IDH3A: variants seen among roughly 807,000 people sequenced by gnomAD.
The protein encoded by IDH3A is isocitrate dehydrogenase [NAD] subunit alpha, mitochondrial.
A neutral mutation model predicts 43.3 loss-of-function variants in IDH3A; 23 were observed. The ratio of observed to expected loss-of-function variants is 0.53; its 90% CI spans 0.38 to 0.75. The LOEUF is 0.75. IDH3A is among the 30% of genes least tolerant of loss of function. The pLI, the probability that IDH3A is intolerant of heterozygous loss-of-function variation, is 0.00. For synonymous variants in IDH3A, 154 were observed against 163.5 expected (o/e 0.94, Z 0.44); for missense variants, 329 against 474.4 (o/e 0.69, Z 2.85).
rs145558670 is a variant in IDH3A at position 78,152,435 on chromosome 15, A to G, written c.28-2778A>G. Among the ~76,000 whole-genome samples the G allele has an allele frequency of 7.7e-3, 1,068 of 137,882 alleles. 19 individuals are homozygous for G. The highest frequency in any genetic ancestry group is 0.027 in the African/African-American group (961 of 35,936). 90.5% of individuals were successfully genotyped at this position (137,882 alleles called of 152,430 possible). ...GAGTGCAATGGCGCGATCTTGGCTC[A>G]CCGCAACCTCTGCCTCCTGGGTTCA... On this transcript the variant is annotated intron_variant, in intron 1 of 10. Transcript: ENST00000299518.
At position 78,165,045 on chromosome 15, in the gene IDH3A, T is replaced by C. The variant is rs2074723832; in HGVS notation, c.833T>C (p.Ile278Thr). The change falls in exon 9 of 11, where the codon ATT (isoleucine) becomes ACT (threonine). Residue 278 changes from isoleucine (I) to threonine (T), a missense_variant. By Grantham distance (89) the Ile-to-Thr change is moderately conservative (BLOSUM62 -1). This residue lies in a region of IDH3A where 212 missense variants were observed against 345.5 expected (regional missense o/e 0.61). Transcript: ENST00000299518. ...CTCGGTGTGACACCAAGTGGCAACA[T>C]TGGAGCCAATGGGGTTGCAATTTTT... ...GGLGVTPSGN[I>T]GANGVAIFES... 6.2e-6 allele frequency: 10 copies of C among 1,613,936 alleles called. No homozygotes were observed. The highest frequency in any genetic ancestry group is 8.5e-6 in the Non-Finnish European group (10 of 1,179,838).
rs144055709 is a variant in IDH3A, at chr15:78,159,445, T to G, written c.175-647T>G. The stretch of plus-strand genomic sequence containing the variant: ...TTGGCTTCTTTCACTTAGCATGATG[T>G]TTTTAAGTTTCATCCATGTATCAGT... On this transcript the variant is annotated intron_variant, in intron 3 of 10. Transcript: ENST00000299518. Among the ~76,000 whole-genome samples, 31 of 152,316 alleles carry G rather than the reference T, an allele frequency of 2.0e-4. 1 individual carries two copies. In the East Asian group the frequency reaches 6.0e-3, roughly 29 times the overall value.
Position 78,160,156 on chromosome 15 carries a change from T to C in IDH3A, c.239T>C (p.Ile80Thr). The C allele has an allele frequency of 6.2e-7, 1 of 1,613,654 alleles. No homozygotes were observed. Among genetic ancestry groups the C allele is most frequent in the Non-Finnish European group, 8.5e-7 (1 of 1,179,586 alleles). Reference sequence around the variant, plus strand: ...CAAGGACCTGGAGGAAAGTGGATGATCCCTTCAGAGGCTAAAGAGTCCATG... The same window carrying C: ...CAAGGACCTGGAGGAAAGTGGATGACCCCTTCAGAGGCTAAAGAGTCCATG... ...AIQGPGGKWM[I>T]PSEAKESMDK... Residue 80 changes from isoleucine (I) to threonine (T), a missense_variant, in exon 4 of 11, where the codon ATC becomes ACC. Physicochemically the swap from Ile to Thr is moderately conservative, Grantham distance 89. Coordinates refer to ENST00000299518, the MANE Select transcript of IDH3A (RefSeq NM_005530.3).
intron 1 of IDH3A, among the ~76,000 whole-genome samples, chr15:78,150,191 G>A (rs1361765969): frequency 6.6e-6 from 1 of 152,200 alleles, no homozygotes; most frequent in African/African-American, 2.4e-5. Context: ...AGCTGGAAAG[G>A]GTTTCAGATC....
At chr15:78,165,129 C>A (rs2074724908) in intron 9 of IDH3A, 53 bp downstream of exon 9, 1 of 1,063,912 alleles carries the variant, frequency 9.4e-7, no homozygotes, top group Non-Finnish European at 1.5e-6. Context: ...CGTGTGAACT[C>A]AGGAGGAGTT....
At chr15:78,168,682 T>C in intron 10 of IDH3A, 1 of 324,312 alleles carries the variant, frequency 3.1e-6, no homozygotes. Context: ...CCTGCCTCCC[T>C]TTGCATCAAG....
At position 78,166,141 on chromosome 15, in the gene IDH3A, G is replaced by A. The variant is rs370769870; in HGVS notation, c.865-9G>A. On this transcript the variant is annotated splice_polypyrimidine_tract_variant and intron_variant, in intron 9 of 10. Transcript: ENST00000299518. The stretch of plus-strand genomic sequence containing the variant: ...CTCCCTTGATGATGCTACTTTTCCC[G>A]ATGTGTAGGTTCATGGGACGGCTCC... The A allele has an allele frequency of 1.1e-5, 17 of 1,612,268 alleles. No homozygotes were observed. Among genetic ancestry groups the A allele is most frequent in the East Asian group, 4.5e-5 (2 of 44,844 alleles).
intron 3 of IDH3A, among the ~76,000 whole-genome samples, chr15:78,158,989 C>G (rs940017079): frequency 1.3e-5 from 2 of 151,948 alleles, no homozygotes; most frequent in African/African-American, 4.8e-5. Context: ...CCTGCCACCA[C>G]GCCCAGCTGA....
In IDH3A at chr15:78,161,740, AAGG is replaced by A; in HGVS notation, c.452_454del (p.Gly151del). 1 of 1,614,152 alleles carries A rather than the reference AAGG, an allele frequency of 6.2e-7. No individual in the cohort carries two copies. Among genetic ancestry groups the A allele is most frequent in the Non-Finnish European group, 8.5e-7 (1 of 1,179,996 alleles). Reference sequence around the variant, plus strand: ...ATTGTGACCATTCGAGAGAACACAGAAGGAGAATACAGTGGAATTGAGCATGTG... The same window carrying A: ...ATTGTGACCATTCGAGAGAACACAGAAGAATACAGTGGAATTGAGCATGTG... On this transcript the variant is annotated inframe_deletion, in exon 5 of 11. Coordinates refer to ENST00000299518, the MANE Select transcript of IDH3A (RefSeq NM_005530.3). This position sits in a 1 kb window ranked among gnomAD's most constrained non-coding sequence, Gnocchi z 4.8.
intron 7 of IDH3A, 23 bp downstream of exon 7, chr15:78,163,632 C>T (rs1235863390): frequency 6.4e-7 from 1 of 1,551,534 alleles, no homozygotes; most frequent in East Asian, 2.2e-5. Flanking sequence ...TCACACTTAC[C>T]TGCTACTTTT....
At chr15:78,155,463 G>T in intron 2 of IDH3A, 188 bp downstream of exon 2, 1 of 457,118 alleles carries the variant, frequency 2.2e-6, no homozygotes, top group Non-Finnish European at 3.9e-6. Flanking sequence ...GCATTTGAAA[G>T]AATTATCTTA....
At chr15:78,155,421 G>T in intron 2 of IDH3A, 146 bp downstream of exon 2, 1 of 544,146 alleles carries the variant, frequency 1.8e-6, no homozygotes. Context: ...GAAATTACTG[G>T]CTGACATGCA....
intron 1 of IDH3A, among the ~76,000 whole-genome samples, 191 bp downstream of exon 1, chr15:78,149,621 C>G (rs1351793294): frequency 6.6e-6 from 1 of 152,154 alleles, no homozygotes; most frequent in Non-Finnish European, 1.5e-5. Flanking sequence ...GTGTATGGGC[C>G]GCCCCGGGCC....
rs934935790 is a variant in IDH3A at position 78,169,073 on chromosome 15, C to T, written c.*68C>T. The T allele has an allele frequency of 2.1e-6, 2 of 931,298 alleles. No homozygotes were observed. The highest frequency in any genetic ancestry group is 1.5e-5 in the South Asian group (1 of 65,334). The allele number at this position is 931,298 out of a possible 1,614,324, so 57.7% of individuals were successfully genotyped here. Reference sequence around the variant, plus strand: ...ACCACATGAACCTCTGTTTAGAATACCTACGTATGTATGCATTGGTTTGCT... The same window carrying T: ...ACCACATGAACCTCTGTTTAGAATATCTACGTATGTATGCATTGGTTTGCT... On this transcript the variant is annotated 3_prime_UTR_variant, in exon 11 of 11. Coordinates refer to ENST00000299518, the MANE Select transcript of IDH3A (RefSeq NM_005530.3).
rs535924405 is a variant in IDH3A, at chr15:78,161,905, C to T, written c.477+137C>T. 517 of 787,924 alleles carry T rather than the reference C, an allele frequency of 6.6e-4. 10 individuals are homozygous for T. In the South Asian group the frequency reaches 8.4e-3, roughly 13 times the overall value. The allele number at this position is 787,924 out of a possible 1,614,324, so 48.8% of individuals were successfully genotyped here. A position where few individuals can be genotyped will look rare whatever the true frequency, so the allele number is the denominator to read the frequency against. On this transcript the variant is annotated intron_variant, in intron 5 of 10. Transcript: ENST00000299518. This position sits in a 1 kb window ranked among gnomAD's most constrained non-coding sequence, Gnocchi z 4.8. ...GGTGCTGGGTGTCTGGCTGACAGTA[C>T]TCAAACAAATGTAAGGCATGGTGGT...
chr15:78,168,820 G>A (rs2074783796), intron 10 of IDH3A, 102 bp from the exon 11 acceptor site: 6 of 699,246 alleles, frequency 8.6e-6, no homozygotes, highest in South Asian at 3.4e-5. Flanking sequence ...AAGAGCAGCC[G>A]AGTAACTTGC....
At chr15:78,155,605 G>A (rs2074617184) in intron 2 of IDH3A, 1 of 197,642 alleles carries the variant, frequency 5.1e-6, no homozygotes, top group Non-Finnish European at 1.0e-5. Context: ...ACTAGTACAA[G>A]TTGAGAGAAA....
At chr15:78,162,469 A>G (rs1302231627) in intron 6 of IDH3A, 102 bp downstream of exon 6, 2 of 1,293,126 alleles carry the variant, frequency 1.5e-6, no homozygotes, top group East Asian at 4.7e-5. Context: ...GATTCCTAAT[A>G]TCTTTGAAAA....
intron 1 of IDH3A, among the ~76,000 whole-genome samples, chr15:78,153,740 C>T (rs975666686): frequency 2.0e-5 from 3 of 152,148 alleles, no homozygotes; most frequent in African/African-American, 7.2e-5. Context: ...TTAATGCAGC[C>T]GGGTGTGGTG....
Sources: gnomAD v4.1 joint callset for allele counts (sites outside exome capture counted in the v4.1 genomes callset) on GRCh38, gnomAD v4.1.1 for gene constraint, gnomAD v4.1.1 regional missense constraint, Gnocchi (gnomAD v3.1) non-coding constraint, MANE v1.5 for transcripts, NCBI Gene and HGNC (gene_info 2026-07-23, HGNC 2026-07-21) for gene names.